The following KNTC1 variants were observed in gnomAD, a reference collection of about 807,000 sequenced individuals.
The protein encoded by KNTC1 is kinetochore associated 1, also known as kinetochore-associated protein 1.
KNTC1 carries 253 observed loss-of-function variants against 314.4 expected under a neutral mutation model. The ratio of observed to expected loss-of-function variants is 0.80; its 90% CI spans 0.73 to 0.89. The LOEUF (loss-of-function observed/expected upper bound fraction) is 0.89, where lower values mean the gene tolerates loss of function less well. Ranked by LOEUF, KNTC1 falls within the 40% of genes least tolerant of loss-of-function variation. KNTC1 has a pLI of 0.00. For synonymous variants in KNTC1, 901 were observed against 901.4 expected (o/e 1.00, Z 0.01); for missense variants, 2,475 against 2,572.9 (o/e 0.96, Z 0.82).
chr12:122,560,200 T>A (rs937948853), intron 18 of KNTC1, among the ~76,000 whole-genome samples: 4 of 152,212 alleles, frequency 2.6e-5, no homozygotes, highest in African/African-American at 9.6e-5. Context: ...CTTTCTTTTT[T>A]GTTTATCCAT....
intron 27 of KNTC1, among the ~76,000 whole-genome samples, chr12:122,575,188 G>T (rs1964931891): frequency 6.6e-6 from 1 of 152,148 alleles, no homozygotes; most frequent in Non-Finnish European, 1.5e-5. Context: ...TTGAACCCAG[G>T]AGGTGGAGGT....
chr12:122,582,013 G>C (rs1391258011), intron 33 of KNTC1, among the ~76,000 whole-genome samples: 1 of 152,064 alleles, frequency 6.6e-6, no homozygotes, highest in Non-Finnish European at 1.5e-5. Context: ...CTGTCGCTGT[G>C]AATTTGCTTA....
Position 122,597,814 on chromosome 12 carries a change from G to A in KNTC1, c.4439G>A (p.Gly1480Glu). 1 of 1,614,040 alleles carries A rather than the reference G, an allele frequency of 6.2e-7. No homozygotes were observed. The highest frequency in any genetic ancestry group is 1.1e-5 in the South Asian group (1 of 91,086). Residue 1480 changes from glycine to glutamate, a missense_variant, in exon 44 of 64, where the codon GGA (glycine) becomes GAA (glutamate). Coordinates refer to ENST00000333479, the MANE Select transcript of KNTC1 (RefSeq NM_014708.6). ...LHNTNAGQGQ[G>E]DASMDSAKRR... ...AACACAAATGCCGGCCAAGGCCAGG[G>A]AGATGCAAGCATGGACTCTGCAAAG...
Position 122,620,735 on chromosome 12 carries a change from A to G in KNTC1, c.6279+127A>G, listed in dbSNP as rs556120368. ...GCATGAATACATCAGATATGTGTGA[A>G]GCTTGTATGGGGGCTTAGTGGGAGG... On this transcript the variant is annotated intron_variant, in intron 60 of 63. Transcript: ENST00000333479. The G allele has an allele frequency of 6.2e-5, 59 of 955,082 alleles. No homozygotes were observed. In the East Asian group the frequency reaches 1.5e-3, roughly 24 times the overall value. The allele number at this position is 955,082 out of a possible 1,614,324, so 59.2% of individuals were successfully genotyped here. A position where few individuals can be genotyped will look rare whatever the true frequency, so the allele number is the denominator to read the frequency against.
At chr12:122,538,566 T>C in intron 4 of KNTC1, 112 bp downstream of exon 4, 1 of 624,064 alleles carries the variant, frequency 1.6e-6, no homozygotes, top group Non-Finnish European at 2.7e-6. Flanking sequence ...AAAGCAATGT[T>C]TTTTTGAACA....
Position 122,586,718 on chromosome 12 carries a change from T to C in KNTC1, c.3691T>C (p.Leu1231=). 6.7e-7 allele frequency: 1 copy of C among 1,495,472 alleles called. No individual in the cohort carries two copies. The highest frequency in any genetic ancestry group is 1.4e-5 in the South Asian group (1 of 71,464). 92.6% of individuals were successfully genotyped at this position (1,495,472 alleles called of 1,614,324 possible). The change falls in exon 38 of 64, where the codon TTG becomes CTG. Residue 1231 remains leucine, a synonymous_variant. Coordinates refer to ENST00000333479, the MANE Select transcript of KNTC1 (RefSeq NM_014708.6). ...TTTTGTAGAAAGCAAGAGATATCCC[T>C]TGGAGTCTACCAGTTTGCCATACTG... The part of the protein sequence containing the change: ...VPLAESKRYP[L]ESTSLPYCSL...
chr12:122,577,917 AAAATTCCTGGGT>A (rs1965140010), intron 31 of KNTC1, 126 bp downstream of exon 31: 3 of 820,252 alleles, frequency 3.7e-6, no homozygotes, highest in Non-Finnish European at 5.2e-6. Context: ...GCCTAGTGAA[AAAATTCCTGGGT>A]AAATTTACTA....
chr12:122,603,161 C>T lies in KNTC1; in HGVS notation c.5019C>T (p.Thr1673=), dbSNP rs756969253. 1.2e-6 allele frequency: 2 copies of T among 1,613,404 alleles called. No homozygotes were observed. The highest frequency in any genetic ancestry group is 1.7e-6 in the Non-Finnish European group (2 of 1,179,714). The change falls in exon 48 of 64, where the codon ACC becomes ACT. Residue 1673 remains threonine (T), a synonymous_variant. Transcript: ENST00000333479. ...INKEITKITQ[T]IESCLLSIVN... ...AGGAAATAACTAAGATCACGCAGAC[C>T]ATCGAATCCTGCTTACTCTCTATAG...
rs1352106288 is a variant in KNTC1, at chr12:122,605,104, T to C, written c.5386+17T>C. 1.3e-6 allele frequency: 2 copies of C among 1,585,234 alleles called. No homozygotes were observed. Among genetic ancestry groups the C allele is most frequent in the Non-Finnish European group, 1.7e-6 (2 of 1,164,316 alleles). On this transcript the variant is annotated intron_variant, in intron 50 of 63. Coordinates refer to ENST00000333479, the MANE Select transcript of KNTC1 (RefSeq NM_014708.6). ...ATTATCCTGGTGAGGACAAAACAAT[T>C]TTTTTGTTGTCCAAGAAAAGCTATT...
chr12:122,565,952 CT>C (rs527446641), intron 20 of KNTC1, among the ~76,000 whole-genome samples: 6,946 of 128,050 alleles, frequency 0.054, 295 homozygotes, highest in African/African-American at 0.17. Context: ...ACGTTTCAAT[CT>C]TTTTTTTTTT....
chr12:122,569,839 G>T lies in KNTC1; in HGVS notation c.1860+15G>T. The T allele has an allele frequency of 6.3e-7, 1 of 1,595,254 alleles. No individual in the cohort carries two copies. On this transcript the variant is annotated intron_variant, in intron 22 of 63. Coordinates refer to ENST00000333479, the MANE Select transcript of KNTC1 (RefSeq NM_014708.6). ...CTGAAGGACAGGTGAGTTGTCTTCA[G>T]TATTTCCACTCTTGATGACTTTATT...
intron 4 of KNTC1, 98 bp downstream of exon 4, chr12:122,538,552 A>T (rs1962034252): frequency 1.5e-6 from 1 of 668,834 alleles, no homozygotes. Flanking sequence ...ATGTGTTTTA[A>T]ATTAAAGCAA....
chr12:122,534,666 C>A lies in KNTC1; in HGVS notation c.132C>A (p.Ala44=). The A allele has an allele frequency of 6.2e-7, 1 of 1,606,130 alleles. No homozygotes were observed. Among genetic ancestry groups the A allele is most frequent in the Non-Finnish European group, 8.5e-7 (1 of 1,175,428 alleles). The change falls in exon 3 of 64, where the codon GCC becomes GCA. Residue 44 remains alanine (A), a splice_region_variant and synonymous_variant. Coordinates refer to ENST00000333479, the MANE Select transcript of KNTC1 (RefSeq NM_014708.6). The part of the protein sequence containing the change: ...DLLVKISSEK[A]SLNPKIQACS... ...CATCATGCTTTTCTCTCCCACAGGC[C>A]TCATTAAATCCAAAGATACAGGCAT...
chr12:122,602,976 A>T, intron 47 of KNTC1, 51 bp from the exon 48 acceptor site: 5 of 1,568,982 alleles, frequency 3.2e-6, no homozygotes, highest in Non-Finnish European at 4.4e-6. Flanking sequence ...TTTCATGTAA[A>T]ACCTTATATG....
chr12:122,597,647 C>T, intron 43 of KNTC1, 84 bp from the exon 44 acceptor site: 1 of 1,082,330 alleles, frequency 9.2e-7, no homozygotes, highest in Non-Finnish European at 1.4e-6. Context: ...ACAATGGAAG[C>T]ATGTACCCAA....
chr12:122,566,707 C>T (rs1022143935), intron 20 of KNTC1, among the ~76,000 whole-genome samples: 1 of 151,322 alleles, frequency 6.6e-6, no homozygotes, highest in Non-Finnish European at 1.5e-5. Context: ...CTGCACCCAG[C>T]CAACTTTTAT....
intron 1 of KNTC1, among the ~76,000 whole-genome samples, chr12:122,527,999 C>T (rs1047149045): frequency 6.6e-6 from 1 of 152,150 alleles, no homozygotes; most frequent in Non-Finnish European, 1.5e-5. Context: ...TAACAAGATA[C>T]GTATTAACAA....
At chr12:122,571,876 T>G (rs1964710302) in intron 24 of KNTC1, among the ~76,000 whole-genome samples, 1 of 151,862 alleles carries the variant, frequency 6.6e-6, no homozygotes, top group Non-Finnish European at 1.5e-5. Context: ...TTTCACCATG[T>G]TGGTCAGACT....
At position 122,592,655 on chromosome 12, in the gene KNTC1, A is replaced by G. The variant is rs146454769; in HGVS notation, c.4245+1202A>G. 7.4e-3 allele frequency among the ~76,000 whole-genome samples: 1,119 copies of G among 152,210 alleles called. 15 individuals carry two copies. Among genetic ancestry groups the G allele is most frequent in the African/African-American group, 0.026 (1,073 of 41,544 alleles). ...ACCTGTGTGTCAAAACTCTGTATCTAACTAATCTGATGGGGACGTGGAGAA... is the reference window on the plus strand; with the variant it reads ...ACCTGTGTGTCAAAACTCTGTATCTGACTAATCTGATGGGGACGTGGAGAA... On this transcript the variant is annotated intron_variant, in intron 42 of 63. Transcript: ENST00000333479.
Sources: allele counts gnomAD v4.1 joint callset (sites outside exome capture counted in the v4.1 genomes callset), GRCh38; gene constraint gnomAD v4.1.1; transcripts MANE v1.5; gene names NCBI Gene and HGNC (gene_info 2026-07-23, HGNC 2026-07-21).